Variants in EXPH5 observed in about 807,000 individuals in gnomAD.
The protein encoded by EXPH5 is exophilin 5.
Under a neutral mutation model 41.1 loss-of-function variants are expected in EXPH5, and 42 were observed. That is an observed-to-expected ratio of 1.02 (90% CI 0.80 to 1.32). EXPH5 has a LOEUF of 1.32. Among genes scored for constraint, EXPH5 ranks in the 40% most tolerant of loss-of-function variants. The pLI is 0.00. For missense variants in EXPH5, 2,298 were observed against 2,314.5 expected, an observed-to-expected ratio of 0.99 and a Z score of 0.15; for synonymous variants, 798 against 833.5, an observed-to-expected ratio of 0.96 and a Z score of 0.73.
rs576900578 is a variant in EXPH5, at chr11:108,532,546, G to T, written c.444-4362C>A. Among the ~76,000 whole-genome samples, 3 of 150,432 alleles carry T rather than the reference G, an allele frequency of 2.0e-5. No individual in the cohort carries two copies. In the East Asian group the frequency reaches 5.8e-4, roughly 29 times the overall value. On this transcript the variant is annotated intron_variant, in intron 3 of 5. Transcript: ENST00000265843. ...TTTTACTTGTAACCCAATGACACAG[G>T]ACTGTAATGAAACTATTAATAGATA...
chr11:108,534,416 G>C (rs7104503), intron 3 of EXPH5, among the ~76,000 whole-genome samples: 45,739 of 152,026 alleles, frequency 0.3, 9,003 homozygotes, highest in African/African-American at 0.56. Context: ...TATAAGGCCC[G>C]TGTGTTGTGG....
intron 3 of EXPH5, among the ~76,000 whole-genome samples, chr11:108,531,815 G>A (rs1001269904): frequency 6.6e-5 from 10 of 152,126 alleles, no homozygotes; most frequent in African/African-American, 2.2e-4. Flanking sequence ...TCCTTCCCTC[G>A]CAGTCCTTCC....
In EXPH5 at chr11:108,539,134, CT is replaced by C; in HGVS notation, c.332del (p.Lys111SerfsTer9). On this transcript the variant is annotated frameshift_variant, in exon 3 of 6. Transcript: ENST00000265843. LOFTEE classifies it high-confidence loss of function. Reference protein sequence around the residue: ...SRSKNVTNQKKPTPFSSRMSF... With the variant: ...SRSKNVTNQKXPTPFSSRMSF... ...TCATCCGGGAAGAAAAAGGTGTCGG[CT>C]TTTTTTGATTAGTTACATTTTTAGA... is the stretch of plus-strand genomic sequence containing the variant. The C allele has an allele frequency of 6.2e-7, 1 of 1,609,814 alleles. No individual in the cohort carries two copies.
intron 1 of EXPH5, among the ~76,000 whole-genome samples, chr11:108,590,073 A>C (rs945086706): frequency 6.6e-6 from 1 of 152,224 alleles, no homozygotes; most frequent in Non-Finnish European, 1.5e-5. Context: ...ACTAATGAGA[A>C]ATATCCAAGA....
chr11:108,548,382 T>C (rs1238358465), intron 1 of EXPH5, among the ~76,000 whole-genome samples: 1 of 152,170 alleles, frequency 6.6e-6, no homozygotes, highest in Non-Finnish European at 1.5e-5. Flanking sequence ...AGTATTTGTT[T>C]CCTGAAGATA....
chr11:108,572,544 T>G (rs886323936), intron 1 of EXPH5, among the ~76,000 whole-genome samples: 3 of 152,178 alleles, frequency 2.0e-5, no homozygotes, highest in East Asian at 1.9e-4. Context: ...GCAATTTTTA[T>G]TTTTAGTTTT....
intron 1 of EXPH5, among the ~76,000 whole-genome samples, chr11:108,591,807 CAAT>C (rs756670720): frequency 2.0e-5 from 3 of 152,062 alleles, no homozygotes; most frequent in Non-Finnish European, 2.9e-5. Flanking sequence ...AGAGAAAACA[CAAT>C]AAGGCAAGCA....
intron 1 of EXPH5, among the ~76,000 whole-genome samples, chr11:108,572,160 G>T (rs1379925012): frequency 6.6e-6 from 1 of 152,186 alleles, no homozygotes; most frequent in Non-Finnish European, 1.5e-5. Context: ...CAGCTTGTGG[G>T]CACGACAGCA....
At chr11:108,524,015 G>T (rs1299590796) in intron 4 of EXPH5, among the ~76,000 whole-genome samples, 2 of 152,172 alleles carry the variant, frequency 1.3e-5, no homozygotes, top group African/African-American at 2.4e-5. Context: ...CTCTACATAG[G>T]TTCCAATCCT....
intron 1 of EXPH5, among the ~76,000 whole-genome samples, chr11:108,567,334 T>C (rs2094038873): frequency 6.6e-6 from 1 of 152,248 alleles, no homozygotes; most frequent in African/African-American, 2.4e-5. Flanking sequence ...TATGTAGAAT[T>C]GGTTTAATGG....
chr11:108,510,294 G>A lies in EXPH5; in HGVS notation c.5213C>T (p.Thr1738Ile), dbSNP rs143520508. ...ESGAPSPITF[T>I]SLREAEFSDN... ...AGAGAATTCTGCTTCCCTGAGGCTG[G>A]TGAATGTGATGGGTGATGGGGCTCC... Residue 1738 changes from threonine to isoleucine, a missense_variant, in exon 6 of 6, where the codon ACC (threonine) becomes ATC (isoleucine). Thr to Ile is a moderately conservative substitution (Grantham distance 89). Transcript: ENST00000265843. 1,297 of 1,614,126 alleles carry A rather than the reference G, an allele frequency of 8.0e-4. 10 individuals carry two copies. Among genetic ancestry groups the A allele is most frequent in the South Asian group, 3.5e-3 (318 of 91,062 alleles).
At chr11:108,530,554 A>G (rs1465624656) in intron 3 of EXPH5, among the ~76,000 whole-genome samples, 3 of 152,216 alleles carry the variant, frequency 2.0e-5, no homozygotes, top group African/African-American at 7.2e-5. Context: ...GGGGACTGGC[A>G]AGTAATCCAA....
intron 1 of EXPH5, among the ~76,000 whole-genome samples, chr11:108,585,196 G>A (rs1447237294): frequency 1.3e-5 from 2 of 152,068 alleles, no homozygotes; most frequent in African/African-American, 2.4e-5. Flanking sequence ...TGAAACATGA[G>A]GAGATACCTC....
chr11:108,538,326 C>T, intron 3 of EXPH5: 3 of 828,076 alleles, frequency 3.6e-6, no homozygotes, highest in Non-Finnish European at 4.4e-6. Context: ...ATTTAGCAGT[C>T]AGCTCAATTG....
At chr11:108,599,706 G>C in the EXPH5 span, among the ~76,000 whole-genome samples, 2 of 152,136 alleles carry the variant, frequency 1.3e-5, no homozygotes, top group African/African-American at 4.8e-5. Flanking sequence ...TTTCTGTTTA[G>C]AAGAAGTGCC....
At chr11:108,530,586 A>G (rs537063010) in intron 3 of EXPH5, among the ~76,000 whole-genome samples, 1 of 152,338 alleles carries the variant, frequency 6.6e-6, no homozygotes, top group African/African-American at 2.4e-5. Context: ...CCAGGACTAC[A>G]TGCCAGACTG....
chr11:108,585,013 C>A (rs1170951371), intron 1 of EXPH5, among the ~76,000 whole-genome samples: 1 of 152,146 alleles, frequency 6.6e-6, no homozygotes, highest in Non-Finnish European at 1.5e-5. Context: ...CAACAGGAGA[C>A]TTGTATCTGG....
intron 1 of EXPH5, among the ~76,000 whole-genome samples, chr11:108,579,856 A>G (rs892289589): frequency 6.6e-6 from 1 of 152,130 alleles, no homozygotes; most frequent in Non-Finnish European, 1.5e-5. Context: ...AGGAGTAGGA[A>G]AAGGGTTTTC....
Position 108,513,000 on chromosome 11 carries a change from T to C in EXPH5, c.2507A>G (p.Asn836Ser), listed in dbSNP as rs2093694344. The change falls in exon 6 of 6, where the codon AAT becomes AGT. Residue 836 changes from asparagine to serine, a missense_variant. By Grantham distance (46) the Asn-to-Ser change is conservative. Transcript: ENST00000265843. Reference protein sequence around the residue: ...DQGCHQELTVNNEDISRIITN... With the variant: ...DQGCHQELTVSNEDISRIITN... ...AATAATTCTTGAAATATCTTCATTA[T>C]TTACAGTTAATTCCTGGTGACAACC... 1 of 1,613,760 alleles carries C rather than the reference T, an allele frequency of 6.2e-7. No individual in the cohort carries two copies. Among genetic ancestry groups the C allele is most frequent in the Non-Finnish European group, 8.5e-7 (1 of 1,179,866 alleles).
Sources: gnomAD v4.1 joint callset for allele counts (sites outside exome capture counted in the v4.1 genomes callset) on GRCh38, gnomAD v4.1.1 for gene constraint, MANE v1.5 for transcripts, NCBI Gene and HGNC (gene_info 2026-07-23, HGNC 2026-07-21) for gene names.